Variants in EFCAB6 observed in about 807,000 individuals in gnomAD.
EFCAB6 encodes the protein EF-hand calcium binding domain 6.
In EFCAB6, 156 loss-of-function variants were observed where a neutral mutation model predicts 169.8. That is an observed-to-expected ratio of 0.92 (90% CI 0.81 to 1.05). The LOEUF (loss-of-function observed/expected upper bound fraction) is 1.05. Ranked by LOEUF, EFCAB6 falls within the 50% of genes least tolerant of loss-of-function variation. The pLI, the probability that EFCAB6 is intolerant of heterozygous loss-of-function variation, is 0.00. For missense variants in EFCAB6, 1,800 were observed against 1,829.1 expected, an observed-to-expected ratio of 0.98 and a Z score of 0.29; for synonymous variants, 698 against 676.4, an observed-to-expected ratio of 1.03 and a Z score of -0.50.
chr22:43,534,749 A>C lies in EFCAB6; in HGVS notation c.4172T>G (p.Leu1391Arg), dbSNP rs370422535. ...YCDFIQSCVL[L>R]LKAKESSLMH... ...CAGTGAGCTTTCCTTTGCTTTTAGC[A>C]GGAGGACACAGCTCTGAATGAAGTC... The change falls in exon 30 of 32, where the codon CTG (leucine) becomes CGG (arginine). Residue 1391 changes from leucine (L) to arginine (R), a missense_variant. Physicochemically the swap from Leu to Arg is moderately radical, Grantham distance 102. Transcript: ENST00000262726. 11 of 1,613,718 alleles carry C rather than the reference A, an allele frequency of 6.8e-6. No homozygotes were observed. Among genetic ancestry groups the C allele is most frequent in the Non-Finnish European group, 9.3e-6 (11 of 1,179,936 alleles).
rs183506328 is a variant in EFCAB6 at position 43,633,605 on chromosome 22, C to T, written c.2099-1367G>A. Among the ~76,000 whole-genome samples, 162 of 152,272 alleles carry T rather than the reference C, an allele frequency of 1.1e-3. 1 individual carries two copies. Among genetic ancestry groups the T allele is most frequent in the African/African-American group, 3.6e-3 (150 of 41,568 alleles). ...AAACAAAAAACTTCCAGGTCTACCC[C>T]GTTTCCATTAGGCTGGGGTCATCTG... On this transcript the variant is annotated intron_variant, in intron 18 of 31. Coordinates refer to ENST00000262726, the MANE Select transcript of EFCAB6 (RefSeq NM_022785.4).
rs530521342 is a variant in EFCAB6 at position 43,771,354 on chromosome 22, C to A, written c.351+1538G>T. On this transcript the variant is annotated intron_variant, in intron 4 of 31. Transcript: ENST00000262726. ...CTGAGGCACAAGAATCACTTGAACT[C>A]TGGAGACGGAGGTTGCAGTAAGCCA... Among the ~76,000 whole-genome samples the A allele has an allele frequency of 2.0e-5, 3 of 152,228 alleles. No individual in the cohort carries two copies. The East Asian group carries it at 5.8e-4, about 29-fold the overall frequency.
Position 43,795,888 on chromosome 22 carries a change from TAC to T in EFCAB6, c.-8+13105_-8+13106del, listed in dbSNP as rs2062488327. On this transcript the variant is annotated intron_variant, in intron 2 of 31. Coordinates refer to ENST00000262726, the MANE Select transcript of EFCAB6 (RefSeq NM_022785.4). This position sits in a 1 kb window ranked among gnomAD's most constrained non-coding sequence, Gnocchi z 4.2. ...CACCATACACAGTCACCACACACAA[TAC>T]ACACTCACCACACATACACCACACA... is the stretch of plus-strand genomic sequence containing the variant. Among the ~76,000 whole-genome samples, 1 of 146,718 alleles carries T rather than the reference TAC, an allele frequency of 6.8e-6. No homozygotes were observed. The highest frequency in any genetic ancestry group is 2.2e-4 in the South Asian group (1 of 4,568).
At chr22:43,757,604 C>T (rs951327957) in intron 5 of EFCAB6, among the ~76,000 whole-genome samples, 2 of 152,132 alleles carry the variant, frequency 1.3e-5, no homozygotes, top group East Asian at 1.9e-4. Flanking sequence ...ACTTAACCCC[C>T]GCCCCCATCC....
intron 2 of EFCAB6, among the ~76,000 whole-genome samples, chr22:43,798,798 T>G (rs1380276065): frequency 2.0e-5 from 3 of 152,156 alleles, no homozygotes; most frequent in African/African-American, 7.2e-5. Context: ...TGGAGTCCTC[T>G]CTCTAATCAG....
At chr22:43,615,970 T>G (rs752538988) in intron 20 of EFCAB6, 48 bp from the exon 21 acceptor site, 1 of 1,478,236 alleles carries the variant, frequency 6.8e-7, no homozygotes, top group Non-Finnish European at 9.2e-7. Context: ...TTTAATGGGC[T>G]CATTAATCTC....
intron 2 of EFCAB6, among the ~76,000 whole-genome samples, chr22:43,789,019 C>T (rs922014131): frequency 6.6e-6 from 1 of 152,094 alleles, no homozygotes; most frequent in Non-Finnish European, 1.5e-5. Context: ...ATGTCCATAA[C>T]AGGCAAATCT....
intron 2 of EFCAB6, among the ~76,000 whole-genome samples, chr22:43,803,038 T>C (rs1255941957): frequency 6.6e-6 from 1 of 152,184 alleles, no homozygotes; most frequent in African/African-American, 2.4e-5. Flanking sequence ...TTGACACACA[T>C]AGCCACTTTA....
rs1569257564 is a variant in EFCAB6 at position 43,618,223 on chromosome 22, A to AAAGAAAGAAAGAAAGAAAGG, written c.2466-2302_2466-2301insCCTTTCTTTCTTTCTTTCTT. Among the ~76,000 whole-genome samples, 7 of 97,954 alleles carry AAAGAAAGAAAGAAAGAAAGG rather than the reference A, an allele frequency of 7.1e-5. No homozygotes were observed. In the East Asian group the frequency reaches 1.6e-3, roughly 22 times the overall value. The allele number at this position is 97,954 out of a possible 152,430, so 64.3% of individuals were successfully genotyped here. A position where few individuals can be genotyped will look rare whatever the true frequency, so the allele number is the denominator to read the frequency against. ...GAAAGAAAGAAAGAAAGAAAGAAAG[A>AAAGAAAGAAAGAAAGAAAGG]GAAAGAAAGAAAGAGAGAGAAAGAG... On this transcript the variant is annotated intron_variant, in intron 20 of 31. Coordinates refer to ENST00000262726, the MANE Select transcript of EFCAB6 (RefSeq NM_022785.4).
intron 22 of EFCAB6, among the ~76,000 whole-genome samples, chr22:43,601,509 C>T (rs530378736): frequency 6.6e-6 from 1 of 152,316 alleles, no homozygotes; most frequent in African/African-American, 2.4e-5. Flanking sequence ...GGGCATTTGT[C>T]TGATGGAGTA....
At chr22:43,635,032 C>T in intron 18 of EFCAB6, 70 bp downstream of exon 18, 1 of 1,281,618 alleles carries the variant, frequency 7.8e-7, no homozygotes, top group Non-Finnish European at 1.1e-6. Flanking sequence ...GGCCTGGTGG[C>T]ACTGCTAGCA....
At chr22:43,555,245 G>A in intron 26 of EFCAB6, 149 bp from the exon 27 acceptor site, 3 of 755,172 alleles carry the variant, frequency 4.0e-6, no homozygotes, top group Non-Finnish European at 6.4e-6. Context: ...GTGGGTTCAG[G>A]CAGCCTCCAG....
At chr22:43,595,810 G>A (rs2051955029) in intron 23 of EFCAB6, among the ~76,000 whole-genome samples, 1 of 152,020 alleles carries the variant, frequency 6.6e-6, no homozygotes, top group African/African-American at 2.4e-5. Flanking sequence ...AAAACTACAG[G>A]CCAAAATTCC....
At chr22:43,706,813 C>A (rs1054275227) in intron 10 of EFCAB6, among the ~76,000 whole-genome samples, 3 of 152,228 alleles carry the variant, frequency 2.0e-5, no homozygotes, top group Admixed American at 2.0e-4. Context: ...CTATAAAAGG[C>A]ATTGCTAACT....
At chr22:43,766,917 T>C (rs1012047447) in intron 4 of EFCAB6, among the ~76,000 whole-genome samples, 2 of 152,222 alleles carry the variant, frequency 1.3e-5, no homozygotes, top group African/African-American at 2.4e-5. Context: ...TAGAGTGCAG[T>C]GGCACAATCT....
intron 22 of EFCAB6, among the ~76,000 whole-genome samples, chr22:43,600,948 C>G (rs2052471993): frequency 6.6e-6 from 1 of 152,232 alleles, no homozygotes; most frequent in African/African-American, 2.4e-5. Context: ...CAGGCGTGAG[C>G]TGCCACACCT....
At chr22:43,783,751 A>G (rs571632477) in intron 2 of EFCAB6, among the ~76,000 whole-genome samples, 1 of 152,186 alleles carries the variant, frequency 6.6e-6, no homozygotes, top group Non-Finnish European at 1.5e-5. Flanking sequence ...CACAACTACT[A>G]CATTATATTA....
At chr22:43,701,554 G>A (rs1041294791) in intron 10 of EFCAB6, among the ~76,000 whole-genome samples, 3 of 151,884 alleles carry the variant, frequency 2.0e-5, no homozygotes, top group African/African-American at 7.3e-5. Context: ...ATACAAATTG[G>A]ACCAAATTAT....
chr22:43,633,594 C>T (rs1285534258), intron 18 of EFCAB6, among the ~76,000 whole-genome samples: 1 of 152,130 alleles, frequency 6.6e-6, no homozygotes, highest in Non-Finnish European at 1.5e-5. Flanking sequence ...AAAAAACTTC[C>T]AGGTCTACCC....
Sources: allele counts gnomAD v4.1 joint callset (sites outside exome capture counted in the v4.1 genomes callset), GRCh38; gene constraint gnomAD v4.1.1; non-coding constraint Gnocchi (gnomAD v3.1); transcripts MANE v1.5; gene names NCBI Gene and HGNC (gene_info 2026-07-23, HGNC 2026-07-21).